The following ZNFX1 variants were observed in gnomAD, a reference collection of about 807,000 sequenced individuals.
The protein encoded by ZNFX1 is zinc finger NFX1-type containing 1.
In ZNFX1, 78 loss-of-function variants were observed where a neutral mutation model predicts 179.8. The observed-to-expected ratio is 0.43, with a 90% CI of 0.36 to 0.52. The LOEUF (loss-of-function observed/expected upper bound fraction) is 0.52, where lower values mean the gene tolerates loss of function less well. Among genes scored for constraint, ZNFX1 ranks in the 20% least tolerant of loss-of-function variants. ZNFX1 has a pLI of 0.00. For synonymous variants in ZNFX1, 848 were observed against 868.5 expected (o/e 0.98, Z 0.42); for missense variants, 1,927 against 2,386.6 (o/e 0.81, Z 4.01).
chr20:49,266,668 A>AC lies in ZNFX1; in HGVS notation c.1871-403dup, dbSNP rs76320074. 3.1e-3 allele frequency among the ~76,000 whole-genome samples: 190 copies of AC among 61,100 alleles called. 1 individual carries two copies. Among genetic ancestry groups the AC allele is most frequent in the African/African-American group, 0.012 (169 of 14,626 alleles). The allele number at this position is 61,100 out of a possible 152,430, so 40.1% of individuals were successfully genotyped here. Reference sequence around the variant, plus strand: ...TACATAGGAGAATCCCATCCCCCCCACCCCCCCCTTTCCTTTTTACAGCTG... The same window carrying AC: ...TACATAGGAGAATCCCATCCCCCCCACCCCCCCCCTTTCCTTTTTACAGCTG... On this transcript the variant is annotated intron_variant, in intron 3 of 13. Transcript: ENST00000396105.
In ZNFX1 at chr20:49,247,707, A is replaced by G; in HGVS notation, c.5317T>C (p.Tyr1773His). ...TTCACCTTCTTCTCTGCTATCTTGT[A>G]GCGGGTCAGAAGGTTCACCAGGTAT... is the stretch of plus-strand genomic sequence containing the variant. ...LTYLVNLLTR[Y>H]KIAEKKVKDS... The change falls in exon 14 of 14, where the codon TAC (tyrosine) becomes CAC (histidine). Residue 1773 changes from tyrosine (Y) to histidine (H), a missense_variant. By Grantham distance (83) the Tyr-to-His change is moderately conservative (BLOSUM62 2). Coordinates refer to ENST00000396105, the MANE Select transcript of ZNFX1 (RefSeq NM_021035.3). The G allele has an allele frequency of 1.2e-6, 2 of 1,614,184 alleles. No individual in the cohort carries two copies. The highest frequency in any genetic ancestry group is 1.7e-6 in the Non-Finnish European group (2 of 1,180,042).
At chr20:49,262,117 A>G (rs1196697625) in intron 6 of ZNFX1, among the ~76,000 whole-genome samples, 1 of 151,792 alleles carries the variant, frequency 6.6e-6, no homozygotes, top group Non-Finnish European at 1.5e-5. Context: ...CTTGTATAGA[A>G]TTTTAAAAAT....
chr20:49,253,514 G>T, intron 11 of ZNFX1, 152 bp downstream of exon 11: 1 of 883,998 alleles, frequency 1.1e-6, no homozygotes. Context: ...AATAGCATCT[G>T]CTCTTAGACT....
Position 49,270,886 on chromosome 20 carries a change from C to T in ZNFX1, c.926G>A (p.Arg309Lys). The change falls in exon 3 of 14, where the codon AGG (arginine) becomes AAG (lysine). Residue 309 changes from arginine (R) to lysine (K), a missense_variant. Transcript: ENST00000396105. This position sits in a 1 kb window ranked among gnomAD's most constrained non-coding sequence, Gnocchi z 4.6. ...QTIIEHLQEKRREGTLRVDTY... is the reference protein window; with the variant it reads ...QTIIEHLQEKKREGTLRVDTY... ...ATCCACTCTCAAAGTGCCCTCTCGC[C>T]TCTTTTCCTGCAGATGTTCAATGAT... 1.2e-6 allele frequency: 2 copies of T among 1,614,160 alleles called. No individual in the cohort carries two copies. Among genetic ancestry groups the T allele is most frequent in the Non-Finnish European group, 1.7e-6 (2 of 1,180,042 alleles).
At position 49,249,294 on chromosome 20, in the gene ZNFX1, T is replaced by C. The variant is rs779533895; in HGVS notation, c.3730A>G (p.Ser1244Gly). The C allele has an allele frequency of 6.2e-7, 1 of 1,614,246 alleles. No individual in the cohort carries two copies. Among genetic ancestry groups the C allele is most frequent in the South Asian group, 1.1e-5 (1 of 91,082 alleles). The change falls in exon 14 of 14, where the codon AGC (serine) becomes GGC (glycine). Residue 1244 changes from serine (S) to glycine (G), a missense_variant. Coordinates refer to ENST00000396105, the MANE Select transcript of ZNFX1 (RefSeq NM_021035.3). ...TCTCGAAGTGTATGAATGATCTTGC[T>C]CCACAGGGGCACCTTGGCCAGCATC... ...MQMLAKVPLW[S>G]KIIHTLRENN...
intron 3 of ZNFX1, 135 bp from the exon 4 acceptor site, chr20:49,266,401 T>C: frequency 2.2e-6 from 2 of 920,550 alleles, no homozygotes; most frequent in Non-Finnish European, 3.1e-6. Context: ...ACATTGTATA[T>C]TGTGAAAAGT....
intron 8 of ZNFX1, 53 bp downstream of exon 8, chr20:49,257,364 A>G (rs1407726112): frequency 1.9e-5 from 31 of 1,601,058 alleles, no homozygotes; most frequent in Non-Finnish European, 2.6e-5. Context: ...GTGGGGGAAA[A>G]CAAGCGGTCA....
chr20:49,254,424 C>A, intron 10 of ZNFX1, 71 bp downstream of exon 10: 1 of 1,567,252 alleles, frequency 6.4e-7, no homozygotes, highest in Non-Finnish European at 8.7e-7. Flanking sequence ...CTCCTCTTTA[C>A]CTGTCCTTAG....
intron 13 of ZNFX1, among the ~76,000 whole-genome samples, chr20:49,250,486 A>G (rs1019830691): frequency 3.3e-5 from 5 of 152,064 alleles, no homozygotes; most frequent in Non-Finnish European, 5.9e-5. Context: ...TTATTTATTT[A>G]TTTTAAAAAA....
chr20:49,256,476 A>G (rs1344152335), intron 8 of ZNFX1, among the ~76,000 whole-genome samples: 1 of 152,182 alleles, frequency 6.6e-6, no homozygotes, highest in Non-Finnish European at 1.5e-5. Context: ...AAACGGTCCT[A>G]CTGCCATCGT....
chr20:49,277,927 T>TA (rs1023858801), intron 1 of ZNFX1, 94 bp downstream of exon 1: 2 of 154,322 alleles, frequency 1.3e-5, no homozygotes, highest in African/African-American at 4.8e-5. Flanking sequence ...TGACAGGTCT[T>TA]ACGGGCAGAG....
chr20:49,257,452 C>A lies in ZNFX1; in HGVS notation c.2629G>T (p.Ala877Ser). ...MRLDHCGTGT[A>S]AGQEQATGEW... ...CCTGTGGCTTGCTCCTGTCCAGCTG[C>A]TGTCCCAGTGCCACAATGGTCTAGC... Residue 877 changes from alanine to serine, a missense_variant, in exon 8 of 14, where the codon GCA becomes TCA. Transcript: ENST00000396105. 6.2e-7 allele frequency: 1 copy of A among 1,614,154 alleles called. No individual in the cohort carries two copies. The highest frequency in any genetic ancestry group is 8.5e-7 in the Non-Finnish European group (1 of 1,180,030).
intron 1 of ZNFX1, among the ~76,000 whole-genome samples, chr20:49,277,467 G>A (rs577752334): frequency 1.1e-4 from 17 of 150,760 alleles, no homozygotes; most frequent in Non-Finnish European, 2.4e-4. Context: ...GTAGAAGAGG[G>A]GGATTGATAA....
In ZNFX1 at chr20:49,246,439, C is replaced by G; in HGVS notation, c.*828G>C. On this transcript the variant is annotated 3_prime_UTR_variant, in exon 14 of 14. Coordinates refer to ENST00000396105, the MANE Select transcript of ZNFX1 (RefSeq NM_021035.3). ...GTTGGTGCAGTCTTTTGTCTTATCACGTGCCTCCATCTCCTGGAGGCAGGG... is the reference window on the plus strand; with the variant it reads ...GTTGGTGCAGTCTTTTGTCTTATCAGGTGCCTCCATCTCCTGGAGGCAGGG... 1 of 162,230 alleles carries G rather than the reference C, an allele frequency of 6.2e-6. No individual in the cohort carries two copies. The highest frequency in any genetic ancestry group is 1.9e-4 in the East Asian group (1 of 5,392). 10.0% of individuals were successfully genotyped at this position (162,230 alleles called of 1,614,324 possible). A position where few individuals can be genotyped will look rare whatever the true frequency, so the allele number is the denominator to read the frequency against.
chr20:49,263,266 T>C, intron 6 of ZNFX1, 68 bp downstream of exon 6: 1 of 1,568,174 alleles, frequency 6.4e-7, no homozygotes, highest in Non-Finnish European at 8.7e-7. Context: ...GGACTGATGC[T>C]TCTCCTGGAG....
chr20:49,269,805 G>A (rs958562766), intron 3 of ZNFX1, 137 bp downstream of exon 3: 10 of 1,039,684 alleles, frequency 9.6e-6, no homozygotes, highest in Non-Finnish European at 6.9e-6. Context: ...ACCTGCACAT[G>A]TACCCCTAAA....
At chr20:49,249,932 G>C (rs1336287969) in intron 13 of ZNFX1, among the ~76,000 whole-genome samples, 1 of 152,174 alleles carries the variant, frequency 6.6e-6, no homozygotes, top group Non-Finnish European at 1.5e-5. Flanking sequence ...GTCTCTTTCA[G>C]TTTTCAAGAT....
At chr20:49,261,525 G>A (rs1184072002) in intron 6 of ZNFX1, among the ~76,000 whole-genome samples, 2 of 152,104 alleles carry the variant, frequency 1.3e-5, no homozygotes, top group Non-Finnish European at 2.9e-5. Context: ...TCACATAGAG[G>A]GGATCAACAC....
Position 49,275,719 on chromosome 20 carries a change from CCCTATTT to C in ZNFX1, c.61+53_61+59del, listed in dbSNP as rs1981540403. Reference sequence around the variant, plus strand: ...GGTAGGCCTGCTCATTTATAGAGAGCCCTATTTCCTTCTTTTATTACTAGAATTTCCT... The same window carrying C: ...GGTAGGCCTGCTCATTTATAGAGAGCCCTTCTTTTATTACTAGAATTTCCT... On this transcript the variant is annotated intron_variant, in intron 2 of 13. Coordinates refer to ENST00000396105, the MANE Select transcript of ZNFX1 (RefSeq NM_021035.3). 12 of 1,492,236 alleles carry C rather than the reference CCCTATTT, an allele frequency of 8.0e-6. No individual in the cohort carries two copies. In the South Asian group the frequency reaches 1.2e-4, roughly 15 times the overall value. 92.4% of individuals were successfully genotyped at this position (1,492,236 alleles called of 1,614,324 possible).
Sources: allele counts gnomAD v4.1 joint callset (sites outside exome capture counted in the v4.1 genomes callset), GRCh38; gene constraint gnomAD v4.1.1; non-coding constraint Gnocchi (gnomAD v3.1); transcripts MANE v1.5; gene names NCBI Gene and HGNC (gene_info 2026-07-23, HGNC 2026-07-21).